The following CSMD1 variants were observed in gnomAD, a reference collection of about 807,000 sequenced individuals.
CSMD1 encodes the protein CUB and sushi domain-containing protein 1.
CSMD1 carries 213 observed loss-of-function variants against 417.5 expected under a neutral mutation model. The observed-to-expected ratio is 0.51, with a 90% CI of 0.46 to 0.57. The LOEUF (loss-of-function observed/expected upper bound fraction) is 0.57. CSMD1 is among the 20% of genes least tolerant of loss of function. The pLI is 0.00. For missense variants in CSMD1, 6,923 were observed against 4,529.7 expected, an observed-to-expected ratio of 1.53 and a Z score of -15.17; for synonymous variants, 2,862 against 1,736.8, an observed-to-expected ratio of 1.65 and a Z score of -16.11.
chr8:3,354,942 T>G (rs562808987), intron 21 of CSMD1, among the ~76,000 whole-genome samples: 41 of 151,324 alleles, frequency 2.7e-4, no homozygotes, highest in East Asian at 2.1e-3. Context: ...TAGATATATA[T>G]AGAGAGACAG....
intron 1 of CSMD1, among the ~76,000 whole-genome samples, chr8:4,669,229 G>C (rs979360981): frequency 4.6e-5 from 7 of 152,158 alleles, no homozygotes; most frequent in South Asian, 4.1e-4. Context: ...TAATGGGACA[G>C]AGATGGGGGC....
At chr8:4,536,085 G>C (rs753208612) in intron 2 of CSMD1, among the ~76,000 whole-genome samples, 4 of 152,156 alleles carry the variant, frequency 2.6e-5, no homozygotes, top group Non-Finnish European at 5.9e-5. Flanking sequence ...GCCCCACTAA[G>C]TCAGTAAATC....
chr8:3,693,540 T>A (rs1800370886), intron 7 of CSMD1, among the ~76,000 whole-genome samples: 1 of 152,178 alleles, frequency 6.6e-6, no homozygotes, highest in African/African-American at 2.4e-5. Context: ...ATATCGTTAC[T>A]GAGCCCTACA....
In CSMD1 at chr8:4,141,197, G is replaced by C. The variant is rs139770978; in HGVS notation, c.416-109098C>G. 9.7e-4 allele frequency among the ~76,000 whole-genome samples: 147 copies of C among 151,232 alleles called. 3 individuals are homozygous for C. The East Asian group carries it at 0.027, about 28-fold the overall frequency. On this transcript the variant is annotated intron_variant, in intron 3 of 69. Transcript: ENST00000635120. ...TTCAAAAAATTATTCCCAGCCTTGT[G>C]ATCTATCAGAAAGACTGGAAACCTT...
intron 1 of CSMD1, among the ~76,000 whole-genome samples, chr8:4,827,677 G>T (rs1208388173): frequency 6.6e-6 from 1 of 152,066 alleles, no homozygotes; most frequent in African/African-American, 2.4e-5. Flanking sequence ...CTGATTTAGT[G>T]AAAAACATCC....
At chr8:4,534,016 G>T (rs1277473279) in intron 2 of CSMD1, among the ~76,000 whole-genome samples, 3 of 151,468 alleles carry the variant, frequency 2.0e-5, no homozygotes, top group South Asian at 2.1e-4. Context: ...AACATTTGTG[G>T]ATAAACAGAA....
At chr8:4,841,870 C>T (rs1000706101) in intron 1 of CSMD1, among the ~76,000 whole-genome samples, 5 of 116,950 alleles carry the variant, frequency 4.3e-5, no homozygotes, top group East Asian at 3.0e-4. Flanking sequence ...GAGATCGCAC[C>T]GTTGCACTCT....
At chr8:3,546,669 T>C (rs1798678790) in intron 10 of CSMD1, among the ~76,000 whole-genome samples, 1 of 151,954 alleles carries the variant, frequency 6.6e-6, no homozygotes, top group Admixed American at 6.6e-5. Context: ...CATCAATGGG[T>C]AAAGATTGTA....
chr8:3,672,325 C>A (rs1212311522), intron 7 of CSMD1, among the ~76,000 whole-genome samples: 2 of 148,218 alleles, frequency 1.3e-5, no homozygotes, highest in Admixed American at 7.0e-5. Context: ...CTCCCAATGG[C>A]TTCTGACCTT....
At chr8:3,900,265 G>A (rs554063103) in intron 5 of CSMD1, among the ~76,000 whole-genome samples, 2 of 150,170 alleles carry the variant, frequency 1.3e-5, no homozygotes, top group Non-Finnish European at 2.9e-5. Flanking sequence ...CTGGGTGACA[G>A]CACAGCTGCG....
intron 1 of CSMD1, among the ~76,000 whole-genome samples, chr8:4,931,491 A>C (rs548876641): frequency 1.6e-3 from 242 of 152,280 alleles, no homozygotes; most frequent in Admixed American, 3.2e-3. Flanking sequence ...ATGGAAACAC[A>C]TGTTATTATG....
At chr8:3,821,593 C>A (rs936867615) in intron 5 of CSMD1, among the ~76,000 whole-genome samples, 8 of 152,036 alleles carry the variant, frequency 5.3e-5, no homozygotes, top group Non-Finnish European at 1.0e-4. Flanking sequence ...ACCAGCCTGG[C>A]CAACACAGTG....
intron 3 of CSMD1, among the ~76,000 whole-genome samples, chr8:4,228,933 C>T (rs1458938383): frequency 6.6e-6 from 1 of 152,054 alleles, no homozygotes; most frequent in Non-Finnish European, 1.5e-5. Context: ...TCCAAAAGTG[C>T]TGGGATTACA....
At chr8:3,602,722 CACA>C (rs1801422143) in intron 8 of CSMD1, among the ~76,000 whole-genome samples, 1 of 105,356 alleles carries the variant, frequency 9.5e-6, no homozygotes, top group African/African-American at 3.7e-5. Flanking sequence ...GAATTACACA[CACA>C]CACACACACA....
intron 1 of CSMD1, among the ~76,000 whole-genome samples, chr8:4,749,475 A>G (rs1237628060): frequency 6.6e-6 from 1 of 152,214 alleles, no homozygotes; most frequent in African/African-American, 2.4e-5. Flanking sequence ...TTGAGAAAGG[A>G]ATTCCAAGAA....
At chr8:4,185,702 T>C (rs538937910) in intron 3 of CSMD1, among the ~76,000 whole-genome samples, 1 of 152,308 alleles carries the variant, frequency 6.6e-6, no homozygotes, top group African/African-American at 2.4e-5. Flanking sequence ...TGAAGACATG[T>C]ACTGAAATAT....
At chr8:4,915,954 A>G (rs1464955142) in intron 1 of CSMD1, among the ~76,000 whole-genome samples, 2 of 152,208 alleles carry the variant, frequency 1.3e-5, no homozygotes, top group African/African-American at 4.8e-5. Context: ...TCTCTTCCAC[A>G]GGAACATCTT....
chr8:4,288,587 C>T (rs866688563), intron 3 of CSMD1, among the ~76,000 whole-genome samples: 3 of 152,202 alleles, frequency 2.0e-5, no homozygotes, highest in Admixed American at 2.0e-4. Context: ...CAGCTCTACG[C>T]ATGCAGCTGG....
chr8:4,725,209 T>C (rs1809347621), intron 1 of CSMD1, among the ~76,000 whole-genome samples: 1 of 152,136 alleles, frequency 6.6e-6, no homozygotes, highest in Non-Finnish European at 1.5e-5. Flanking sequence ...AAAGGTTAAA[T>C]TTAAGTCTTA....
Sources: allele counts gnomAD v4.1 joint callset (sites outside exome capture counted in the v4.1 genomes callset), GRCh38; gene constraint gnomAD v4.1.1; transcripts MANE v1.5; gene names NCBI Gene and HGNC (gene_info 2026-07-23, HGNC 2026-07-21).